Variants in CEACAM1 observed in about 807,000 individuals in gnomAD.
The protein encoded by CEACAM1 is CEA cell adhesion molecule 1, also known as cell adhesion molecule CEACAM1.
A neutral mutation model predicts 49.1 loss-of-function variants in CEACAM1; 31 were observed. The observed-to-expected ratio is 0.63, with a 90% CI of 0.47 to 0.85. The LOEUF (loss-of-function observed/expected upper bound fraction) is 0.85, where lower values mean the gene tolerates loss of function less well. CEACAM1 is among the 40% of genes least tolerant of loss of function. The probability of loss-of-function intolerance (pLI) is 0.00; values close to 1 mark genes in which losing one functional copy is unlikely to be tolerated. For missense variants in CEACAM1, 570 were observed against 645.3 expected (o/e 0.88, Z 1.26); for synonymous variants, 244 against 247.8 (o/e 0.98, Z 0.14).
intron 5 of CEACAM1, among the ~76,000 whole-genome samples, 173 bp from the exon 6 acceptor site, chr19:42,512,652 T>C (rs1475586568): frequency 6.6e-6 from 1 of 152,176 alleles, no homozygotes; most frequent in Non-Finnish European, 1.5e-5. Flanking sequence ...CAATTTTTTT[T>C]TTTCAATCAC....
At chr19:42,511,470 G>T in intron 7 of CEACAM1, 106 bp downstream of exon 7, 2 of 962,276 alleles carry the variant, frequency 2.1e-6, no homozygotes, top group Non-Finnish European at 3.4e-6. Flanking sequence ...TCCTTTCTGT[G>T]AAAATTCAGA....
chr19:42,519,400 CG>C, intron 4 of CEACAM1, 165 bp from the exon 5 acceptor site: 1 of 649,480 alleles, frequency 1.5e-6, no homozygotes, highest in Non-Finnish European at 2.7e-6. Context: ...TGCAGAAGGT[CG>C]AGTGTCTTTG....
At chr19:42,512,245 A>C (rs752842781) in intron 6 of CEACAM1, 105 bp downstream of exon 6, 8 of 1,314,870 alleles carry the variant, frequency 6.1e-6, no homozygotes, top group Non-Finnish European at 8.5e-6. Context: ...GTTTAGTGGG[A>C]GGAGTATGAG....
At chr19:42,524,099 C>G (rs1027992412) in intron 2 of CEACAM1, among the ~76,000 whole-genome samples, 18 of 152,220 alleles carry the variant, frequency 1.2e-4, no homozygotes, top group African/African-American at 4.1e-4. Flanking sequence ...TCTTCCTTTT[C>G]TCTCAACCTC....
At position 42,512,289 on chromosome 19, in the gene CEACAM1, C is replaced by T. The variant is rs1600213672; in HGVS notation, c.1376+61G>A. On this transcript the variant is annotated intron_variant, in intron 6 of 8. Transcript: ENST00000161559. ...CCAGAGACAGGCAAAGAATTCTTTC[C>T]CTCTCCCAAGCATGGCAGTCAGCCT... The T allele has an allele frequency of 1.9e-6, 3 of 1,597,520 alleles. No homozygotes were observed. The Admixed American group carries it at 5.1e-5, about 27-fold the overall frequency.
chr19:42,515,341 G>A (rs1249057581), intron 5 of CEACAM1, among the ~76,000 whole-genome samples: 1 of 152,114 alleles, frequency 6.6e-6, no homozygotes, highest in Non-Finnish European at 1.5e-5. Context: ...TGAGGAATCC[G>A]AGGCTCAGAG....
At chr19:42,525,819 G>T (rs1409352744) in intron 2 of CEACAM1, 1 of 152,136 alleles carries the variant, frequency 6.6e-6, no homozygotes, top group Non-Finnish European at 1.5e-5. Flanking sequence ...TTGCCATGTG[G>T]CTCAGTTTCC....
chr19:42,515,815 G>A (rs937506196), intron 5 of CEACAM1, among the ~76,000 whole-genome samples: 11 of 152,250 alleles, frequency 7.2e-5, no homozygotes, highest in African/African-American at 4.8e-5. Flanking sequence ...GATTATAAGA[G>A]TACTATGAGT....
At position 42,509,022 on chromosome 19, in the gene CEACAM1, C is replaced by T; in HGVS notation, c.*87G>A. 2 of 1,541,742 alleles carry T rather than the reference C, an allele frequency of 1.3e-6. No homozygotes were observed. Among genetic ancestry groups the T allele is most frequent in the Non-Finnish European group, 1.8e-6 (2 of 1,120,596 alleles). On this transcript the variant is annotated 3_prime_UTR_variant, in exon 9 of 9. Transcript: ENST00000161559. Reference sequence around the variant, plus strand: ...GAAAGTTGTTTCTGTCCCCACCCCTCTACCCCTACAGGGGAAAGGAATCTC... The same window carrying T: ...GAAAGTTGTTTCTGTCCCCACCCCTTTACCCCTACAGGGGAAAGGAATCTC...
chr19:42,519,292 G>T, intron 4 of CEACAM1, 57 bp from the exon 5 acceptor site: 1 of 1,556,446 alleles, frequency 6.4e-7, no homozygotes, highest in South Asian at 1.1e-5. Context: ...GGGGCCTGGG[G>T]CCTAGGGCTA....
At chr19:42,516,163 T>C (rs1435511954) in intron 5 of CEACAM1, among the ~76,000 whole-genome samples, 1 of 152,086 alleles carries the variant, frequency 6.6e-6, no homozygotes, top group Admixed American at 6.6e-5. Context: ...AATGTAGTAT[T>C]GGAAGACCTA....
chr19:42,516,762 A>G, intron 5 of CEACAM1: 1 of 258,064 alleles, frequency 3.9e-6, no homozygotes, highest in Non-Finnish European at 7.7e-6. Context: ...AAGCTATGGT[A>G]ATCATCACAC....
chr19:42,511,044 C>T, intron 7 of CEACAM1, 124 bp from the exon 8 acceptor site: 2 of 864,982 alleles, frequency 2.3e-6, no homozygotes, highest in East Asian at 5.0e-5. Context: ...AATTTACTTC[C>T]CTCAGAGTGT....
At chr19:42,509,355 G>A in intron 8 of CEACAM1, 127 bp from the exon 9 acceptor site, 1 of 1,077,302 alleles carries the variant, frequency 9.3e-7, no homozygotes, top group Non-Finnish European at 1.3e-6. Flanking sequence ...GGCTTTTGTT[G>A]TTACCCATTC....
chr19:42,522,229 C>T, intron 2 of CEACAM1, 27 bp from the exon 3 acceptor site: 1 of 1,613,610 alleles, frequency 6.2e-7, no homozygotes, highest in South Asian at 1.1e-5. Flanking sequence ...GAGAAGATTG[C>T]CCTGTGTGGC....
rs1204277297 is a variant in CEACAM1, at chr19:42,519,471, G to C, written c.959-236C>G. ...TCCCTCCTGACCCCAGATCGTCTCA[G>C]AGTGACCCTCTGGATATCTCTATAT... On this transcript the variant is annotated intron_variant, in intron 4 of 8. Coordinates refer to ENST00000161559, the MANE Select transcript of CEACAM1 (RefSeq NM_001712.5). 5.7e-6 allele frequency: 3 copies of C among 527,052 alleles called. No homozygotes were observed. In the African/African-American group the frequency reaches 5.8e-5, roughly 10 times the overall value. 32.6% of individuals were successfully genotyped at this position (527,052 alleles called of 1,614,324 possible).
Position 42,510,729 on chromosome 19 carries a change from T to G in CEACAM1, c.1461+160A>C, listed in dbSNP as rs926844791. 4.7e-4 allele frequency among the ~76,000 whole-genome samples: 71 copies of G among 152,366 alleles called. 1 individual carries two copies. The highest frequency in any genetic ancestry group is 1.5e-5 in the Non-Finnish European group (1 of 68,034). The stretch of plus-strand genomic sequence containing the variant: ...ATAATTCCAAAATGCATGTTCTTGC[T>G]GCAAAGTAGACTCATGGGAGTGATT... On this transcript the variant is annotated intron_variant, in intron 8 of 8. Transcript: ENST00000161559.
intron 5 of CEACAM1, 129 bp from the exon 6 acceptor site, chr19:42,512,608 G>T (rs1005093399): frequency 1.2e-6 from 1 of 866,620 alleles, no homozygotes; most frequent in Non-Finnish European, 1.8e-6. Context: ...TTGTGGGAAG[G>T]TTGCTGGAAG....
chr19:42,522,568 CTT>C (rs569260757), intron 2 of CEACAM1, among the ~76,000 whole-genome samples: 1 of 143,236 alleles, frequency 7.0e-6, no homozygotes. Flanking sequence ...TTCTTTCTTT[CTT>C]TTTTTTTTTG....
Sources: gnomAD v4.1 joint callset for allele counts (sites outside exome capture counted in the v4.1 genomes callset) on GRCh38, gnomAD v4.1.1 for gene constraint, MANE v1.5 for transcripts, NCBI Gene and HGNC (gene_info 2026-07-23, HGNC 2026-07-21) for gene names.